The following CDH12 variants were observed in gnomAD, a reference collection of about 807,000 sequenced individuals.
The protein encoded by CDH12 is cadherin 12, also known as cadherin-12.
A neutral mutation model predicts 74.1 loss-of-function variants in CDH12; 41 were observed. The ratio of observed to expected loss-of-function variants is 0.55; its 90% CI spans 0.43 to 0.72. The LOEUF is 0.72. Ranked by LOEUF, CDH12 falls within the 30% of genes least tolerant of loss-of-function variation. CDH12 has a pLI of 0.00. For synonymous variants in CDH12, 399 were observed against 355.0 expected, an observed-to-expected ratio of 1.12 and a Z score of -1.39; for missense variants, 945 against 977.2, an observed-to-expected ratio of 0.97 and a Z score of 0.44.
At chr5:22,438,026 A>T (rs1444533975) in intron 2 of CDH12, among the ~76,000 whole-genome samples, 1 of 152,020 alleles carries the variant, frequency 6.6e-6, no homozygotes, top group Non-Finnish European at 1.5e-5. Flanking sequence ...TAATTTTTTT[A>T]GGGAAGCAAA....
intron 1 of CDH12, among the ~76,000 whole-genome samples, chr5:22,565,618 A>G (rs985823245): frequency 2.6e-5 from 4 of 152,170 alleles, no homozygotes. Flanking sequence ...GAGAAGTCAC[A>G]AAGAGCCCTT....
intron 3 of CDH12, among the ~76,000 whole-genome samples, chr5:22,311,702 CA>C (rs138539518): frequency 0.4 from 37,575 of 94,608 alleles, 5,285 homozygotes; most frequent in East Asian, 0.56. Context: ...GACTCCATCT[CA>C]AAAAAAAAAA....
intron 4 of CDH12, among the ~76,000 whole-genome samples, chr5:22,177,223 T>C (rs1262738644): frequency 1.3e-5 from 2 of 152,166 alleles, no homozygotes; most frequent in African/African-American, 2.4e-5. Context: ...ACAAATCCCA[T>C]GATTATTTTA....
intron 3 of CDH12, among the ~76,000 whole-genome samples, chr5:22,282,696 G>T (rs572850508): frequency 6.6e-6 from 1 of 152,120 alleles, no homozygotes; most frequent in South Asian, 2.1e-4. Context: ...ATGAGATACA[G>T]TCTCACACCA....
At chr5:22,383,681 T>A (rs752817346) in intron 3 of CDH12, among the ~76,000 whole-genome samples, 21 of 152,224 alleles carry the variant, frequency 1.4e-4, no homozygotes, top group Non-Finnish European at 2.9e-5. Flanking sequence ...ATCTCCCAAT[T>A]CATGTGTATA....
intron 2 of CDH12, among the ~76,000 whole-genome samples, chr5:22,416,839 G>C (rs1208321110): frequency 1.3e-5 from 2 of 152,144 alleles, no homozygotes; most frequent in Non-Finnish European, 2.9e-5. Context: ...TTAACACCAA[G>C]ACAGGACTGT....
chr5:21,837,467 G>C (rs1301647264), intron 8 of CDH12, among the ~76,000 whole-genome samples: 1 of 124,966 alleles, frequency 8.0e-6, no homozygotes, highest in Non-Finnish European at 1.6e-5. Flanking sequence ...TCTGGAGAAA[G>C]GTTTTTTTTT....
At chr5:21,963,798 T>C (rs1756464009) in intron 6 of CDH12, among the ~76,000 whole-genome samples, 1 of 152,132 alleles carries the variant, frequency 6.6e-6, no homozygotes, top group African/African-American at 2.4e-5. Flanking sequence ...AATAAATGTA[T>C]TTGTTTGGTC....
intron 6 of CDH12, among the ~76,000 whole-genome samples, chr5:21,933,318 A>T (rs1754929082): frequency 6.6e-6 from 1 of 152,136 alleles, no homozygotes; most frequent in Non-Finnish European, 1.5e-5. Context: ...TGTATATCCT[A>T]ATGAGACTTG....
chr5:21,863,054 A>C (rs1328621027), intron 6 of CDH12, among the ~76,000 whole-genome samples: 1 of 152,138 alleles, frequency 6.6e-6, no homozygotes, highest in Non-Finnish European at 1.5e-5. Context: ...CAGAACAAAA[A>C]CACATAAAGC....
intron 1 of CDH12, among the ~76,000 whole-genome samples, chr5:22,726,002 T>G (rs1744145307): frequency 6.6e-6 from 1 of 151,768 alleles, no homozygotes; most frequent in Non-Finnish European, 1.5e-5. Context: ...TATCAAGATT[T>G]TGCACCAGAG....
intron 4 of CDH12, among the ~76,000 whole-genome samples, chr5:22,118,877 G>C (rs371353534): frequency 2.0e-5 from 3 of 152,060 alleles, no homozygotes; most frequent in Admixed American, 6.6e-5. Context: ...AAAACAAGGA[G>C]TATAGTTGGG....
intron 5 of CDH12, among the ~76,000 whole-genome samples, chr5:22,021,184 C>A (rs534059022): frequency 6.6e-6 from 1 of 152,242 alleles, no homozygotes; most frequent in African/African-American, 2.4e-5. Context: ...TCATTTTATA[C>A]AATGTTTTTA....
At chr5:21,783,278 C>T in intron 11 of CDH12, 80 bp downstream of exon 11, 14 of 1,276,222 alleles carry the variant, frequency 1.1e-5, no homozygotes, top group Non-Finnish European at 1.5e-5. Context: ...AAATGAAAAA[C>T]ATCTCAGCAG....
At chr5:22,391,586 T>C (rs376539254) in intron 3 of CDH12, among the ~76,000 whole-genome samples, 17 of 152,274 alleles carry the variant, frequency 1.1e-4, no homozygotes, top group Admixed American at 6.5e-4. Context: ...TATAAATATA[T>C]GCTAAATAGT....
rs1212274101 is a variant in CDH12 at position 22,330,744 on chromosome 5, CAAAAAAA to C, written c.-333+74506_-333+74512del. Among the ~76,000 whole-genome samples the C allele has an allele frequency of 3.2e-3, 168 of 52,352 alleles. 1 individual carries two copies. The highest frequency in any genetic ancestry group is 5.9e-3 in the Non-Finnish European group (129 of 21,766). 34.3% of individuals were successfully genotyped at this position (52,352 alleles called of 152,430 possible). ...CCAGCCTGACAACAGAGCGAGACTC[CAAAAAAA>C]AAAAAAAAAAAAAAGCAGACGGAAA... is the stretch of plus-strand genomic sequence containing the variant. On this transcript the variant is annotated intron_variant, in intron 3 of 14. Coordinates refer to ENST00000382254, the MANE Select transcript of CDH12 (RefSeq NM_004061.5).
In CDH12 at chr5:22,683,193, A is replaced by G. The variant is rs1282175782; in HGVS notation, c.-523+169865T>C. 2.0e-5 allele frequency among the ~76,000 whole-genome samples: 3 copies of G among 152,214 alleles called. No homozygotes were observed. The East Asian group carries it at 5.8e-4, about 29-fold the overall frequency. ...TTACTTGAGGGTAATTTGCTGCTCC[A>G]GCAGGGAGTCACAGCCAATGTGATG... On this transcript the variant is annotated intron_variant, in intron 1 of 14. Transcript: ENST00000382254.
chr5:22,379,249 T>A (rs1741660020), intron 3 of CDH12, among the ~76,000 whole-genome samples: 1 of 152,050 alleles, frequency 6.6e-6, no homozygotes, highest in South Asian at 2.1e-4. Flanking sequence ...GAACGAATAG[T>A]TTTGTGGTAA....
intron 4 of CDH12, among the ~76,000 whole-genome samples, chr5:22,142,040 CTG>C (rs1195130935): frequency 6.6e-6 from 1 of 152,124 alleles, no homozygotes; most frequent in East Asian, 1.9e-4. Context: ...GAATGAGAAA[CTG>C]AGGATGGTGT....
Sources: gnomAD v4.1 joint callset for allele counts (sites outside exome capture counted in the v4.1 genomes callset) on GRCh38, gnomAD v4.1.1 for gene constraint, MANE v1.5 for transcripts, NCBI Gene and HGNC (gene_info 2026-07-23, HGNC 2026-07-21) for gene names.